Variants in THBS2 observed in about 807,000 individuals in gnomAD.
The protein encoded by THBS2 is thrombospondin-2.
In THBS2, 47 loss-of-function variants were observed where a neutral mutation model predicts 135.2. The observed-to-expected ratio is 0.35, with a 90% CI of 0.28 to 0.44. The LOEUF is 0.44. Ranked by LOEUF, THBS2 falls within the 20% of genes least tolerant of loss-of-function variation. The pLI, the probability that THBS2 is intolerant of heterozygous loss-of-function variation, is 1.00. For missense variants in THBS2, 1,288 were observed against 1,603.1 expected (o/e 0.80, Z 3.36); for synonymous variants, 639 against 633.8 (o/e 1.01, Z -0.12).
chr6:169,244,537 T>C (rs1780479711), intron 4 of THBS2, among the ~76,000 whole-genome samples: 2 of 151,342 alleles, frequency 1.3e-5, no homozygotes, highest in African/African-American at 4.9e-5. Flanking sequence ...ACAAAGAATA[T>C]TTGCATATAT....
At chr6:169,248,200 A>C (rs1399389595) in intron 3 of THBS2, among the ~76,000 whole-genome samples, 3 of 151,584 alleles carry the variant, frequency 2.0e-5, no homozygotes, top group African/African-American at 7.3e-5. Context: ...GTGTGTGTGC[A>C]TGTGTGCACA....
intron 18 of THBS2, 50 bp downstream of exon 18, chr6:169,223,198 C>T (rs765796244): frequency 9.7e-6 from 15 of 1,554,018 alleles, no homozygotes; most frequent in African/African-American, 4.1e-5. Context: ...CTTCTGTGGG[C>T]GCCTCCCCCG....
intron 9 of THBS2, among the ~76,000 whole-genome samples, chr6:169,236,303 G>C (rs116654105): frequency 0.1 from 3,420 of 33,596 alleles, no homozygotes; most frequent in East Asian, 0.25. Flanking sequence ...CCCATCCACA[G>C]TCACTCCCCA....
chr6:169,232,288 C>A, intron 12 of THBS2, 90 bp from the exon 13 acceptor site: 1 of 1,427,600 alleles, frequency 7.0e-7, no homozygotes, highest in Non-Finnish European at 9.7e-7. Flanking sequence ...CAGGCCCCAG[C>A]AGGTCCGGTC....
intron 10 of THBS2, 38 bp from the exon 11 acceptor site, chr6:169,233,055 C>T (rs1461399870): frequency 2.5e-5 from 37 of 1,493,634 alleles, no homozygotes; most frequent in Non-Finnish European, 3.2e-5. Flanking sequence ...CACCACGCGC[C>T]CTGCGCAGCA....
At chr6:169,233,077 C>G in intron 10 of THBS2, 60 bp from the exon 11 acceptor site, 17 of 1,445,120 alleles carry the variant, frequency 1.2e-5, no homozygotes, top group Non-Finnish European at 1.5e-5. Flanking sequence ...AGAAGGAAGC[C>G]CGCCCTGTGG....
Position 169,233,429 on chromosome 6 carries a change from A to C in THBS2, c.1652-412T>G, listed in dbSNP as rs534406779. On this transcript the variant is annotated intron_variant, in intron 10 of 21. Coordinates refer to ENST00000617924, the MANE Select transcript of THBS2 (RefSeq NM_003247.5). ...CCTTCCACACTACACAACTACCCAC[A>C]CACCATGTTCCAGACCATACAACTA... Among the ~76,000 whole-genome samples, 309 of 151,248 alleles carry C rather than the reference A, an allele frequency of 2.0e-3. 1 individual carries two copies. Among genetic ancestry groups the C allele is most frequent in the Non-Finnish European group, 3.3e-3 (223 of 67,814 alleles).
intron 2 of THBS2, among the ~76,000 whole-genome samples, chr6:169,250,070 G>A (rs56122767): frequency 0.22 from 33,801 of 151,748 alleles, 3,950 homozygotes; most frequent in Middle Eastern, 0.27. Flanking sequence ...AGAAAGTTTA[G>A]CCAAAGCCTT....
chr6:169,218,652 ATG>A (rs1779284950), intron 21 of THBS2, among the ~76,000 whole-genome samples: 5 of 87,890 alleles, frequency 5.7e-5, no homozygotes, highest in African/African-American at 1.3e-4. Context: ...GGTTGGGTGA[ATG>A]GATGAGATGG....
Position 169,241,470 on chromosome 6 carries a change from C to T in THBS2, c.891+292G>A, listed in dbSNP as rs555817157. Among the ~76,000 whole-genome samples the T allele has an allele frequency of 2.0e-5, 3 of 152,008 alleles. No individual in the cohort carries two copies. The East Asian group carries it at 5.8e-4, about 29-fold the overall frequency. On this transcript the variant is annotated intron_variant, in intron 5 of 21. Coordinates refer to ENST00000617924, the MANE Select transcript of THBS2 (RefSeq NM_003247.5). The surrounding 1 kb of genome is among the most constrained non-coding windows in gnomAD (Gnocchi z 5.5). ...GTGTGTGTGTGTACACTCATACCTA[C>T]AGATTTACCAAGGAGGTAAATTTCC...
At chr6:169,229,783 GC>G in intron 13 of THBS2, 104 bp from the exon 14 acceptor site, 1 of 868,488 alleles carries the variant, frequency 1.2e-6, no homozygotes, top group Non-Finnish European at 1.8e-6. Context: ...AAGGAAGCGT[GC>G]CCCATCAGTC....
chr6:169,236,720 T>C (rs1780101581), intron 9 of THBS2, among the ~76,000 whole-genome samples: 1 of 120,972 alleles, frequency 8.3e-6, no homozygotes, highest in Non-Finnish European at 1.7e-5. Flanking sequence ...CCACACTCAC[T>C]CCCCATCCAC....
At position 169,252,403 on chromosome 6, in the gene THBS2, C is replaced by T. The variant is rs1359791883; in HGVS notation, c.-23+1321G>A. 5.3e-5 allele frequency among the ~76,000 whole-genome samples: 8 copies of T among 152,172 alleles called. No individual in the cohort carries two copies. In the South Asian group the frequency reaches 1.0e-3, roughly 20 times the overall value. On this transcript the variant is annotated intron_variant, in intron 1 of 21. Coordinates refer to ENST00000617924, the MANE Select transcript of THBS2 (RefSeq NM_003247.5). The surrounding 1 kb of genome is among the most constrained non-coding windows in gnomAD (Gnocchi z 4.3). ...CATCAGCCCACACTGCCGGGTACGT[C>T]GCAGTCCCCTAAGGACAGCTGTGTG... is the stretch of plus-strand genomic sequence containing the variant.
At position 169,241,807 on chromosome 6, in the gene THBS2, C is replaced by T; in HGVS notation, c.846G>A (p.Gly282=). 6.2e-7 allele frequency: 1 copy of T among 1,612,372 alleles called. No individual in the cohort carries two copies. The highest frequency in any genetic ancestry group is 8.5e-7 in the Non-Finnish European group (1 of 1,179,606). ...TGAGCTGGTTCACGAGGACGTGGAG[C>T]CCCGAGAGCTCCTGGACCATGTTTC... is the stretch of plus-strand genomic sequence containing the variant. The part of the protein sequence containing the change: ...ELGNMVQELS[G]LHVLVNQLSE... The change falls in exon 5 of 22, where the codon GGG becomes GGA. Residue 282 remains glycine (G), a synonymous_variant. Coordinates refer to ENST00000617924, the MANE Select transcript of THBS2 (RefSeq NM_003247.5). The surrounding 1 kb of genome is among the most constrained non-coding windows in gnomAD (Gnocchi z 5.5).
rs766629472 is a variant in THBS2 at position 169,248,411 on chromosome 6, G to A, written c.609+6C>T. On this transcript the variant is annotated splice_donor_region_variant and intron_variant, in intron 3 of 21. Transcript: ENST00000617924. ...CTCACGGCGGCCACCTCCCTGCAGA[G>A]CGTACCCTGAAGTGACTCTCTCTGG... is the stretch of plus-strand genomic sequence containing the variant. 1 of 1,597,316 alleles carries A rather than the reference G, an allele frequency of 6.3e-7. No homozygotes were observed. Among genetic ancestry groups the A allele is most frequent in the African/African-American group, 1.3e-5 (1 of 74,806 alleles).
chr6:169,248,556 G>C lies in THBS2; in HGVS notation c.470C>G (p.Ala157Gly). The change falls in exon 3 of 22, where the codon GCT becomes GGT. Residue 157 changes from alanine (A) to glycine (G), a missense_variant. By Grantham distance (60) the Ala-to-Gly change is moderately conservative (BLOSUM62 0). Around this residue, in one of 2 missense-constraint regions of THBS2, gnomAD observed 414 missense variants for 447.0 expected, o/e 0.93. Transcript: ENST00000617924. ...SQWKNVTVQVAGETYSLHVGC... is the reference protein window; with the variant it reads ...SQWKNVTVQVGGETYSLHVGC... ...CACGTGCAAGCTGTAGGTCTCGCCA[G>C]CCACCTGCACGGTGACGTTCTTCCA... The C allele has an allele frequency of 1.9e-6, 3 of 1,614,044 alleles. No individual in the cohort carries two copies. Among genetic ancestry groups the C allele is most frequent in the Non-Finnish European group, 2.5e-6 (3 of 1,180,034 alleles).
At chr6:169,224,981 A>C (rs1157063501) in intron 17 of THBS2, among the ~76,000 whole-genome samples, 164 bp downstream of exon 17, 1 of 152,174 alleles carries the variant, frequency 6.6e-6, no homozygotes, top group Admixed American at 6.5e-5. Context: ...GTGTCAGGGG[A>C]GAAGAAACTC....
At position 169,237,266 on chromosome 6, in the gene THBS2, T is replaced by C. The variant is rs776351721; in HGVS notation, c.1381A>G (p.Ile461Val). The C allele has an allele frequency of 3.1e-6, 5 of 1,613,492 alleles. No homozygotes were observed. Among genetic ancestry groups the C allele is most frequent in the Admixed American group, 3.3e-5 (2 of 60,028 alleles). Residue 461 changes from isoleucine (I) to valine (V), a missense_variant, in exon 9 of 22, where the codon ATC becomes GTC. Ile to Val is a conservative substitution (Grantham distance 29). Around this residue, in one of 2 missense-constraint regions of THBS2, gnomAD observed 874 missense variants for 1,156.1 expected, o/e 0.76. Coordinates refer to ENST00000617924, the MANE Select transcript of THBS2 (RefSeq NM_003247.5). ...GGCACTGGGGAGTTGCAGAGACGGA[T>C]GCGTGTGATATTGCCAACTCCACAG... ...VTCGVGNITR[I>V]RLCNSPVPQM... is the part of the protein sequence containing the mutation.
At position 169,222,227 on chromosome 6, in the gene THBS2, C is replaced by A; in HGVS notation, c.3243G>T (p.Ala1081=). The change falls in exon 19 of 22, where the codon GCG becomes GCT. Residue 1081 remains alanine (A), a synonymous_variant. Coordinates refer to ENST00000617924, the MANE Select transcript of THBS2 (RefSeq NM_003247.5). The stretch of plus-strand genomic sequence containing the variant: ...CCGGCGTGTTCCCCGTGTGCCACAG[C>A]GCGTTCCTCAGGTGCTCGCCCGTCC... ...TTGTGEHLRN[A]LWHTGNTPGQ... 2 of 1,611,946 alleles carry A rather than the reference C, an allele frequency of 1.2e-6. No homozygotes were observed. Among genetic ancestry groups the A allele is most frequent in the Non-Finnish European group, 1.7e-6 (2 of 1,179,488 alleles).
Sources: gnomAD v4.1 joint callset for allele counts (sites outside exome capture counted in the v4.1 genomes callset) on GRCh38, gnomAD v4.1.1 for gene constraint, gnomAD v4.1.1 regional missense constraint, Gnocchi (gnomAD v3.1) non-coding constraint, MANE v1.5 for transcripts, NCBI Gene and HGNC (gene_info 2026-07-23, HGNC 2026-07-21) for gene names.